The following AFF4 variants were observed in gnomAD, a reference collection of about 807,000 sequenced individuals.
AFF4 encodes AF4/FMR2 family member 4.
A neutral mutation model predicts 124.8 loss-of-function variants in AFF4; 13 were observed. The ratio of observed to expected loss-of-function variants is 0.10; its 90% CI spans 0.07 to 0.17. The LOEUF is 0.17. Among genes scored for constraint, AFF4 ranks in the 10% least tolerant of loss-of-function variants. The pLI, the probability that AFF4 is intolerant of heterozygous loss-of-function variation, is 1.00. For missense variants in AFF4, 1,092 were observed against 1,403.8 expected (o/e 0.78, Z 3.55); for synonymous variants, 477 against 496.1 (o/e 0.96, Z 0.51).
intron 1 of AFF4, among the ~76,000 whole-genome samples, chr5:132,955,651 G>A (rs537408371): frequency 2.6e-5 from 4 of 151,230 alleles, no homozygotes; most frequent in African/African-American, 4.9e-5. Context: ...GGTGGCGGGC[G>A]CCTGTAATCC....
At position 132,887,536 on chromosome 5, in the gene AFF4, C is replaced by T. The variant is rs745544958; in HGVS notation, c.2990G>A (p.Arg997Gln). ...LAPDATAADK[R>Q]LTVLCLRCES... ...GAAAACTCACCAAAGTACTGTGAGTCGTTTATCTGCAGCTGTAGCATCTGG... is the reference window on the plus strand; with the variant it reads ...GAAAACTCACCAAAGTACTGTGAGTTGTTTATCTGCAGCTGTAGCATCTGG... Residue 997 changes from arginine to glutamine, a missense_variant, in exon 17 of 21, where the codon CGA becomes CAA. Arg to Gln is a conservative substitution (Grantham distance 43). Transcript: ENST00000265343. 3.7e-6 allele frequency: 6 copies of T among 1,613,898 alleles called. No homozygotes were observed. Among genetic ancestry groups the T allele is most frequent in the Middle Eastern group, 1.7e-4 (1 of 6,060 alleles).
Position 132,896,961 on chromosome 5 carries a change from T to C in AFF4, c.1669A>G (p.Thr557Ala). 1 of 1,614,222 alleles carries C rather than the reference T, an allele frequency of 6.2e-7. No individual in the cohort carries two copies. The highest frequency in any genetic ancestry group is 8.5e-7 in the Non-Finnish European group (1 of 1,180,038). ...QKSPAQSDSTTQRRTVGKKQP... is the reference protein window; with the variant it reads ...QKSPAQSDSTAQRRTVGKKQP... ...TTTTTGCCTACAGTTCTTCTCTGTG[T>C]TGTGCTGTCACTCTGTGCAGGAGAT... Residue 557 changes from threonine to alanine, a missense_variant, in exon 11 of 21, where the codon ACA becomes GCA. Thr to Ala is a moderately conservative substitution (Grantham distance 58). This residue lies in a region of AFF4 where 174 missense variants were observed against 205.9 expected (regional missense o/e 0.84). Transcript: ENST00000265343.
intron 1 of AFF4, among the ~76,000 whole-genome samples, chr5:132,939,893 C>T (rs1007368616): frequency 6.6e-6 from 1 of 151,946 alleles, no homozygotes; most frequent in Non-Finnish European, 1.5e-5. Context: ...GGATTACAGG[C>T]ATGAGCCTGA....
chr5:132,915,209 C>G (rs1423384420), intron 5 of AFF4, among the ~76,000 whole-genome samples: 4 of 151,866 alleles, frequency 2.6e-5, no homozygotes, highest in Admixed American at 1.3e-4. Context: ...GGCGTGGTGG[C>G]GCATGCCTGT....
chr5:132,899,090 A>G lies in AFF4; in HGVS notation c.1226+14T>C. On this transcript the variant is annotated intron_variant, in intron 9 of 20. Transcript: ENST00000265343. ...AACTCTTACCAATAAAACAGAAAAG[A>G]AAAGGATGCCCACCTTCCTGGTGTA... 2 of 1,611,654 alleles carry G rather than the reference A, an allele frequency of 1.2e-6. No individual in the cohort carries two copies. The highest frequency in any genetic ancestry group is 2.2e-5 in the East Asian group (1 of 44,818).
At chr5:132,953,403 G>T (rs1303050595) in intron 1 of AFF4, among the ~76,000 whole-genome samples, 13 of 151,554 alleles carry the variant, frequency 8.6e-5, no homozygotes, top group Admixed American at 8.6e-4. Flanking sequence ...ACCACACCTG[G>T]GTAATTTTTT....
intron 5 of AFF4, among the ~76,000 whole-genome samples, chr5:132,911,826 A>T (rs1393964412): frequency 1.3e-5 from 2 of 151,128 alleles, no homozygotes; most frequent in Non-Finnish European, 3.0e-5. Flanking sequence ...AGCAATGATT[A>T]AAAAAAAACT....
chr5:132,935,305 T>C (rs1761398853), intron 2 of AFF4, among the ~76,000 whole-genome samples: 1 of 152,164 alleles, frequency 6.6e-6, no homozygotes, highest in South Asian at 2.1e-4. Context: ...ATGGGTAACA[T>C]AGCAAGACTG....
rs1045082237 is a variant in AFF4 at position 132,899,584 on chromosome 5, C to T, written c.1188+3G>A. 2 of 1,611,222 alleles carry T rather than the reference C, an allele frequency of 1.2e-6. No individual in the cohort carries two copies. The highest frequency in any genetic ancestry group is 1.7e-6 in the Non-Finnish European group (2 of 1,178,326). On this transcript the variant is annotated splice_donor_region_variant and intron_variant, in intron 8 of 20. Transcript: ENST00000265343. ...TGGCAAAATAATACAATAGTAGACA[C>T]ACCTGTTCCCCATCACTGTCTTCAC...
chr5:132,886,438 A>ACAGCAAACTCTGGCCAGATTTG (rs1760121194), intron 17 of AFF4, 35 bp from the exon 18 acceptor site: 1 of 1,597,570 alleles, frequency 6.3e-7, no homozygotes, highest in Non-Finnish European at 8.6e-7. Flanking sequence ...ATTTACCAGG[A>ACAGCAAACTCTGGCCAGATTTG]CAGCAAACTC....
chr5:132,947,275 C>A (rs1761722061), intron 1 of AFF4, among the ~76,000 whole-genome samples: 1 of 151,838 alleles, frequency 6.6e-6, no homozygotes, highest in Non-Finnish European at 1.5e-5. Flanking sequence ...TGGTAACGCG[C>A]ACCTGTAGTC....
chr5:132,955,019 T>C (rs68171951), intron 1 of AFF4, among the ~76,000 whole-genome samples: 17,522 of 152,110 alleles, frequency 0.12, 1,282 homozygotes, highest in South Asian at 0.2. Flanking sequence ...AGAGATTGTA[T>C]TGAGTGGTGG....
Position 132,880,930 on chromosome 5 carries a change from A to C in AFF4, c.*129T>G. ...GCTTTGGATTATCAAAAACAACAAC[A>C]CATGAACCAACGAGGAGAAAACTAT... is the stretch of plus-strand genomic sequence containing the variant. On this transcript the variant is annotated 3_prime_UTR_variant, in exon 21 of 21. Coordinates refer to ENST00000265343, the MANE Select transcript of AFF4 (RefSeq NM_014423.4). The C allele has an allele frequency of 1.6e-6, 2 of 1,232,538 alleles. No individual in the cohort carries two copies. The highest frequency in any genetic ancestry group is 2.2e-6 in the Non-Finnish European group (2 of 897,350). The allele number at this position is 1,232,538 out of a possible 1,614,324, so 76.4% of individuals were successfully genotyped here.
intron 1 of AFF4, among the ~76,000 whole-genome samples, chr5:132,952,050 G>C (rs1334975529): frequency 6.6e-6 from 1 of 152,122 alleles, no homozygotes; most frequent in African/African-American, 2.4e-5. Flanking sequence ...TATTTAGGTA[G>C]TTTCCCCTTT....
chr5:132,912,455 G>T (rs1451485813), intron 5 of AFF4, among the ~76,000 whole-genome samples: 1 of 151,982 alleles, frequency 6.6e-6, no homozygotes, highest in Non-Finnish European at 1.5e-5. Flanking sequence ...AGACCTCCGG[G>T]GCTCAAGCTA....
At chr5:132,924,253 CA>C (rs199581107) in intron 5 of AFF4, among the ~76,000 whole-genome samples, 3 of 149,734 alleles carry the variant, frequency 2.0e-5, no homozygotes, top group African/African-American at 7.4e-5. Flanking sequence ...GACTCTGTCT[CA>C]AAAAAAAGAA....
intron 5 of AFF4, among the ~76,000 whole-genome samples, chr5:132,917,514 C>G (rs1010284305): frequency 1.3e-5 from 2 of 152,054 alleles, no homozygotes; most frequent in East Asian, 3.9e-4. Flanking sequence ...GAGATTCTAC[C>G]TAGTGCAATA....
chr5:132,954,551 T>TTG (rs932394096), intron 1 of AFF4, among the ~76,000 whole-genome samples: 2 of 146,264 alleles, frequency 1.4e-5, no homozygotes, highest in African/African-American at 5.0e-5. Flanking sequence ...ATGCTCTTTT[T>TTG]TTTTTTTTTT....
chr5:132,898,140 T>A, intron 10 of AFF4, 90 bp downstream of exon 10: 1 of 1,473,066 alleles, frequency 6.8e-7, no homozygotes, highest in South Asian at 1.3e-5. Flanking sequence ...CTTCTTTCCT[T>A]CTCCTTTTAT....
Sources: gnomAD v4.1 joint callset for allele counts (sites outside exome capture counted in the v4.1 genomes callset) on GRCh38, gnomAD v4.1.1 for gene constraint, gnomAD v4.1.1 regional missense constraint, MANE v1.5 for transcripts, NCBI Gene and HGNC (gene_info 2026-07-23, HGNC 2026-07-21) for gene names.